TIAM1: variants seen among roughly 807,000 people sequenced by gnomAD.
TIAM1 encodes TIAM Rac1 associated GEF 1, also known as rho guanine nucleotide exchange factor TIAM1.
A neutral mutation model predicts 163.5 loss-of-function variants in TIAM1; 65 were observed. The observed-to-expected ratio is 0.40, with a 90% CI of 0.33 to 0.49. The LOEUF is 0.49. Among genes scored for constraint, TIAM1 ranks in the 20% least tolerant of loss-of-function variants. The pLI is 0.77. For synonymous variants in TIAM1, 833 were observed against 810.1 expected, an observed-to-expected ratio of 1.03 and a Z score of -0.48; for missense variants, 1,789 against 2,044.7, an observed-to-expected ratio of 0.87 and a Z score of 2.41.
chr21:31,357,315 C>T (rs2147127917), intron 2 of TIAM1, among the ~76,000 whole-genome samples: 1 of 152,306 alleles, frequency 6.6e-6, no homozygotes, highest in East Asian at 1.9e-4. Flanking sequence ...TTCCAGATTC[C>T]CAACAATTTC....
At chr21:31,419,266 T>C (rs1256460452) in intron 2 of TIAM1, among the ~76,000 whole-genome samples, 2 of 152,164 alleles carry the variant, frequency 1.3e-5, no homozygotes, top group Admixed American at 1.3e-4. Flanking sequence ...GCGTGAGAAA[T>C]TCATGTTAAG....
At chr21:31,388,644 C>T (rs1175629991) in intron 2 of TIAM1, among the ~76,000 whole-genome samples, 1 of 150,184 alleles carries the variant, frequency 6.7e-6, no homozygotes, top group East Asian at 1.9e-4. Flanking sequence ...GGTGACTGAG[C>T]AAAACCTTGT....
At chr21:31,509,398 CCACTCAAGGGCCATGTGAG>C (rs1418747870) in intron 1 of TIAM1, among the ~76,000 whole-genome samples, 1 of 152,184 alleles carries the variant, frequency 6.6e-6, no homozygotes, top group African/African-American at 2.4e-5. Context: ...CCCCCAGGAC[CCACTCAAGGGCCATGTGAG>C]CACCAAGTCA....
At chr21:31,344,391 A>C (rs1158477548), upstream of TIAM1, 1 of 152,140 alleles carries the variant, frequency 6.6e-6, no homozygotes, top group African/African-American at 2.4e-5. Flanking sequence ...TCCCTCTGGC[A>C]TTCGCCGGCT....
chr21:31,557,587 C>T (rs926095014), intron 1 of TIAM1, among the ~76,000 whole-genome samples: 1 of 152,166 alleles, frequency 6.6e-6, no homozygotes, highest in African/African-American at 2.4e-5. Flanking sequence ...CGCACAGGCT[C>T]TAAACCTCTG....
intron 2 of TIAM1, among the ~76,000 whole-genome samples, chr21:31,355,983 G>T (rs893327143): frequency 6.6e-6 from 1 of 152,128 alleles, no homozygotes; most frequent in Non-Finnish European, 1.5e-5. Flanking sequence ...TCTATTGCAA[G>T]TGCCTAGAAG....
intron 11 of TIAM1, among the ~76,000 whole-genome samples, chr21:31,209,263 G>T (rs984441092): frequency 1.3e-5 from 2 of 152,152 alleles, no homozygotes; most frequent in Admixed American, 6.5e-5. Context: ...CTACGACATA[G>T]AACTATTAAT....
rs60682621 is a variant in TIAM1 at position 31,124,795 on chromosome 21, A to G, written c.4134-101T>C. ...ACCAAATAAATATCCCTTAGGGCCA[A>G]AGGCTAAAGACTGAGGCCTTGACTC... On this transcript the variant is annotated intron_variant, in intron 26 of 27. Transcript: ENST00000541036. 0.011 allele frequency: 11,618 copies of G among 1,046,690 alleles called. 872 individuals are homozygous for G. The African/African-American group carries it at 0.17, about 15-fold the overall frequency. 64.8% of individuals were successfully genotyped at this position (1,046,690 alleles called of 1,614,324 possible).
Position 31,213,414 on chromosome 21 carries a change from A to G in TIAM1, c.2201T>C (p.Ile734Thr). 8.7e-6 allele frequency: 14 copies of G among 1,610,660 alleles called. No homozygotes were observed. The highest frequency in any genetic ancestry group is 1.2e-5 in the Non-Finnish European group (14 of 1,179,402). Residue 734 changes from isoleucine (I) to threonine (T), a missense_variant, in exon 10 of 28, where the codon ATT becomes ACT. By Grantham distance (89) the Ile-to-Thr change is moderately conservative. This residue lies in a region of TIAM1 where 456 missense variants were observed against 586.6 expected (regional missense o/e 0.78). Coordinates refer to ENST00000541036, the MANE Select transcript of TIAM1 (RefSeq NM_001353694.2). ...KKSLEGIFDD[I>T]VPDGKREKEV... ...TATTTTTACCTTGCCATCTGGAACA[A>G]TGTCATCAAATATTCCCTCTAAAGA...
chr21:31,557,750 C>G (rs1047064099), intron 1 of TIAM1, among the ~76,000 whole-genome samples: 5 of 152,190 alleles, frequency 3.3e-5, no homozygotes, highest in Non-Finnish European at 7.3e-5. Context: ...TCGCGCACGT[C>G]CTTCAAGACC....
chr21:31,426,068 G>A (rs1746819759), intron 2 of TIAM1, among the ~76,000 whole-genome samples: 1 of 151,970 alleles, frequency 6.6e-6, no homozygotes, highest in Admixed American at 6.6e-5. Context: ...GCGGTTTTTG[G>A]TTACATGGAT....
chr21:31,315,679 C>CAAAAAAAAAAAAAAAAAAAAA lies in TIAM1; in HGVS notation c.-189+23563_-189+23564insTTTTTTTTTTTTTTTTTTTTT, dbSNP rs58560437. 4.5e-4 allele frequency among the ~76,000 whole-genome samples: 36 copies of CAAAAAAAAAAAAAAAAAAAAA among 80,246 alleles called. 1 individual carries two copies. The highest frequency in any genetic ancestry group is 6.7e-4 in the African/African-American group (15 of 22,366). 52.6% of individuals were successfully genotyped at this position (80,246 alleles called of 152,430 possible). A position where few individuals can be genotyped will look rare whatever the true frequency, so the allele number is the denominator to read the frequency against. On this transcript the variant is annotated intron_variant, in intron 2 of 27. Transcript: ENST00000541036. ...GGGCAACAAGAGCAAAACTCCATCT[C>CAAAAAAAAAAAAAAAAAAAAA]AAAAAAAAAAAAAAAAAAAAGGACA...
chr21:31,377,816 A>T (rs920195957), intron 2 of TIAM1, among the ~76,000 whole-genome samples: 2 of 149,038 alleles, frequency 1.3e-5, no homozygotes, highest in Non-Finnish European at 3.0e-5. Flanking sequence ...TACATTTTTC[A>T]CTGTGTCCAT....
chr21:31,123,482 C>T (rs574215055), intron 27 of TIAM1, among the ~76,000 whole-genome samples: 92 of 152,338 alleles, frequency 6.0e-4, no homozygotes, highest in African/African-American at 1.7e-3. Context: ...TTTCAACAAA[C>T]ATTTATCAAT....
intron 6 of TIAM1, among the ~76,000 whole-genome samples, chr21:31,228,500 A>G (rs555840775): frequency 1.3e-5 from 2 of 152,320 alleles, no homozygotes; most frequent in East Asian, 3.9e-4. Flanking sequence ...ACACACAAGA[A>G]CATGCCCAGC....
intron 13 of TIAM1, among the ~76,000 whole-genome samples, chr21:31,190,642 G>A (rs779719288): frequency 6.6e-6 from 1 of 152,076 alleles, no homozygotes; most frequent in East Asian, 1.9e-4. Context: ...CTGAAATGAC[G>A]CATCCTTCTA....
At chr21:31,328,761 C>T (rs2075577667) in intron 2 of TIAM1, among the ~76,000 whole-genome samples, 1 of 151,538 alleles carries the variant, frequency 6.6e-6, no homozygotes, top group African/African-American at 2.4e-5. Flanking sequence ...CTCCCTGTGT[C>T]CATGTGTTCT....
intron 2 of TIAM1, among the ~76,000 whole-genome samples, chr21:31,454,370 A>C (rs2045005774): frequency 6.6e-6 from 1 of 152,248 alleles, no homozygotes; most frequent in Non-Finnish European, 1.5e-5. Flanking sequence ...TAAAAATTTT[A>C]AGAGCATGTC....
At chr21:31,262,905 G>A (rs1457609307) in intron 4 of TIAM1, among the ~76,000 whole-genome samples, 1 of 151,896 alleles carries the variant, frequency 6.6e-6, no homozygotes, top group Non-Finnish European at 1.5e-5. Context: ...AAGCTCACTG[G>A]AGAGGTCCCC....
Sources: allele counts gnomAD v4.1 joint callset (sites outside exome capture counted in the v4.1 genomes callset), GRCh38; gene constraint gnomAD v4.1.1; regional missense constraint gnomAD v4.1.1; transcripts MANE v1.5; gene names NCBI Gene and HGNC (gene_info 2026-07-23, HGNC 2026-07-21).